TBC1D8: variants seen among roughly 807,000 people sequenced by gnomAD.
The protein encoded by TBC1D8 is TBC1 domain family member 8.
A neutral mutation model predicts 118.8 loss-of-function variants in TBC1D8; 65 were observed. The ratio of observed to expected loss-of-function variants is 0.55; its 90% confidence interval spans 0.45 to 0.67. The LOEUF is 0.67. Ranked by LOEUF, TBC1D8 falls within the 30% of genes least tolerant of loss-of-function variation. The pLI, the probability that TBC1D8 is intolerant of heterozygous loss-of-function variation, is 0.00. For missense variants in TBC1D8, 1,376 were observed against 1,471.2 expected, an observed-to-expected ratio of 0.94 and a Z score of 1.06; for synonymous variants, 566 against 595.8, an observed-to-expected ratio of 0.95 and a Z score of 0.73.
At chr2:101,120,283 C>T (rs962576278) in intron 1 of TBC1D8, among the ~76,000 whole-genome samples, 12 of 152,206 alleles carry the variant, frequency 7.9e-5, no homozygotes, top group South Asian at 2.1e-4. Flanking sequence ...CCGGCCTTCC[C>T]GGTGCCCACC....
intron 1 of TBC1D8, among the ~76,000 whole-genome samples, chr2:101,143,592 C>T (rs1031083170): frequency 5.3e-5 from 8 of 152,198 alleles, no homozygotes; most frequent in African/African-American, 1.9e-4. Flanking sequence ...GAGGGTCTCA[C>T]TCCAATGTCC....
intron 5 of TBC1D8, among the ~76,000 whole-genome samples, chr2:101,040,819 A>C (rs956679389): frequency 1.3e-5 from 2 of 152,260 alleles, no homozygotes; most frequent in Admixed American, 6.5e-5. Context: ...AAGTGAGTGC[A>C]AAAAGGCACC....
intron 2 of TBC1D8, among the ~76,000 whole-genome samples, chr2:101,078,140 A>C (rs1484099431): frequency 6.6e-6 from 1 of 151,980 alleles, no homozygotes; most frequent in Non-Finnish European, 1.5e-5. Flanking sequence ...ATCCTTGAAA[A>C]ACCCTAGCCT....
intron 2 of TBC1D8, among the ~76,000 whole-genome samples, chr2:101,078,649 G>T (rs1280682990): frequency 6.7e-6 from 1 of 149,002 alleles, no homozygotes; most frequent in African/African-American, 2.5e-5. Context: ...TGTACACAAT[G>T]AGGTTTCTGC....
At chr2:101,110,588 G>A (rs543287327) in intron 1 of TBC1D8, among the ~76,000 whole-genome samples, 2 of 152,238 alleles carry the variant, frequency 1.3e-5, no homozygotes, top group South Asian at 4.2e-4. Context: ...AGCCACTGTG[G>A]GGAAACCAGC....
At chr2:101,135,619 G>A (rs1678823785) in intron 1 of TBC1D8, among the ~76,000 whole-genome samples, 1 of 152,226 alleles carries the variant, frequency 6.6e-6, no homozygotes, top group African/African-American at 2.4e-5. Context: ...AAAGAGCAGG[G>A]AACAACAATT....
At chr2:101,013,201 C>T (rs977920179) in intron 17 of TBC1D8, among the ~76,000 whole-genome samples, 1 of 152,192 alleles carries the variant, frequency 6.6e-6, no homozygotes, top group Non-Finnish European at 1.5e-5. Flanking sequence ...AGCCTCCCAA[C>T]CTCTGCCGTC....
chr2:101,011,282 A>AC (rs1225415103), intron 18 of TBC1D8, 169 bp downstream of exon 18: 1 of 741,288 alleles, frequency 1.3e-6, no homozygotes, highest in South Asian at 1.9e-5. Flanking sequence ...ACCCAGCAAC[A>AC]CCCCCACTAG....
At chr2:101,109,847 C>T in intron 1 of TBC1D8, 2 of 985,466 alleles carry the variant, frequency 2.0e-6, no homozygotes, top group Non-Finnish European at 2.4e-6. Flanking sequence ...ACAGTTCCAT[C>T]TACATTCAGA....
At chr2:101,029,818 C>T in intron 11 of TBC1D8, 42 bp from the exon 12 acceptor site, 1 of 1,589,438 alleles carries the variant, frequency 6.3e-7, no homozygotes, top group South Asian at 1.1e-5. Context: ...GGGTAGGACT[C>T]ACTCTCTAAG....
chr2:101,050,524 A>G lies in TBC1D8; in HGVS notation c.749T>C (p.Leu250Pro). ...QNKERDFSMF[L>P]NLDEVFKVME... ...GACCTTAAACACCTCATCCAGGTTC[A>G]GGAACATGGAGAAGTCACGCTCCTT... The change falls in exon 5 of 20, where the codon CTG becomes CCG. Residue 250 changes from leucine (L) to proline (P), a missense_variant. Physicochemically the swap from Leu to Pro is moderately conservative, Grantham distance 98. Coordinates refer to ENST00000409318, the MANE Select transcript of TBC1D8 (RefSeq NM_001330348.2). 1 of 1,613,996 alleles carries G rather than the reference A, an allele frequency of 6.2e-7. No individual in the cohort carries two copies. The highest frequency in any genetic ancestry group is 8.5e-7 in the Non-Finnish European group (1 of 1,179,876).
chr2:101,071,811 G>C (rs1674454140), intron 2 of TBC1D8, among the ~76,000 whole-genome samples: 1 of 152,158 alleles, frequency 6.6e-6, no homozygotes, highest in Non-Finnish European at 1.5e-5. Context: ...AAATTTAAAA[G>C]TGTTTTTAAA....
In TBC1D8 at chr2:101,027,363, A is replaced by C; in HGVS notation, c.2520+20T>G. The C allele has an allele frequency of 6.2e-7, 1 of 1,611,606 alleles. No homozygotes were observed. The highest frequency in any genetic ancestry group is 8.5e-7 in the Non-Finnish European group (1 of 1,178,064). On this transcript the variant is annotated intron_variant, in intron 15 of 19. Transcript: ENST00000409318. ...GCCAGCTCAGGGCCTGGAACCCCTC[A>C]TCTTCCCAGAGCTGCGTACCTTGAA...
intron 3 of TBC1D8, among the ~76,000 whole-genome samples, chr2:101,056,173 T>TAA (rs1355162351): frequency 6.6e-6 from 1 of 151,462 alleles, no homozygotes; most frequent in Non-Finnish European, 1.5e-5. Flanking sequence ...GCACTGACAT[T>TAA]AAAATAACAA....
chr2:101,132,529 G>C (rs532863419), intron 1 of TBC1D8, among the ~76,000 whole-genome samples: 1 of 152,188 alleles, frequency 6.6e-6, no homozygotes, highest in Admixed American at 6.5e-5. Context: ...GCCTTTCTAT[G>C]ACTGACATTT....
intron 1 of TBC1D8, among the ~76,000 whole-genome samples, chr2:101,149,212 A>G (rs1222302111): frequency 1.3e-5 from 2 of 152,176 alleles, no homozygotes; most frequent in Non-Finnish European, 2.9e-5. Context: ...ACCGAAGTAA[A>G]TATCAAGGAA....
intron 17 of TBC1D8, chr2:101,018,885 C>G (rs141028064): frequency 1.4e-5 from 19 of 1,390,944 alleles, no homozygotes; most frequent in South Asian, 1.3e-5. Context: ...GGCCAATATC[C>G]GTAGGTTTAT....
chr2:101,033,790 A>G, intron 9 of TBC1D8, 32 bp from the exon 10 acceptor site: 2 of 1,598,004 alleles, frequency 1.3e-6, no homozygotes, highest in African/African-American at 1.3e-5. Flanking sequence ...TCAAGGGGGA[A>G]TGATTACTAG....
At chr2:101,082,295 A>T (rs916216852) in intron 2 of TBC1D8, among the ~76,000 whole-genome samples, 1 of 152,208 alleles carries the variant, frequency 6.6e-6, no homozygotes, top group Non-Finnish European at 1.5e-5. Context: ...CACAGGACAG[A>T]GTCATGACTA....
Sources: gnomAD v4.1 joint callset for allele counts (sites outside exome capture counted in the v4.1 genomes callset) on GRCh38, gnomAD v4.1.1 for gene constraint, MANE v1.5 for transcripts, NCBI Gene and HGNC (gene_info 2026-07-23, HGNC 2026-07-21) for gene names.